Variants in HS3ST4 observed in about 807,000 individuals in gnomAD.
The protein encoded by HS3ST4 is heparan sulfate glucosamine 3-O-sulfotransferase 4.
In HS3ST4, 17 loss-of-function variants were observed where a neutral mutation model predicts 29.2. That is an observed-to-expected ratio of 0.58 (90% CI 0.40 to 0.87). HS3ST4 has a LOEUF of 0.87. HS3ST4 is among the 40% of genes least tolerant of loss of function. HS3ST4 has a pLI of 0.00. For missense variants in HS3ST4, 627 were observed against 634.5 expected (o/e 0.99, Z 0.13); for synonymous variants, 314 against 285.7 (o/e 1.10, Z -1.00).
rs1227867289 is a variant in HS3ST4 at position 25,692,620 on chromosome 16, C to T, written c.203C>T (p.Ser68Leu). ...CAATTCCCTCTGGCGCTGCAGGAGT[C>T]GCCGGGCGCCGCCGCCGAGCCCCCG... ...SLQFPLALQE[S>L]PGAAAEPPPS... Residue 68 changes from serine (S) to leucine (L), a missense_variant, in exon 1 of 2, where the codon TCG (serine) becomes TTG (leucine). Ser to Leu is a moderately radical substitution (Grantham distance 145). Coordinates refer to ENST00000331351, the MANE Select transcript of HS3ST4 (RefSeq NM_006040.3). The T allele has an allele frequency of 7.3e-7, 1 of 1,372,440 alleles. No homozygotes were observed. Among genetic ancestry groups the T allele is most frequent in the Non-Finnish European group, 9.5e-7 (1 of 1,052,896 alleles). 85.0% of individuals were successfully genotyped at this position (1,372,440 alleles called of 1,614,324 possible).
rs1202985966 is a variant in HS3ST4, at chr16:26,134,880, G to T, written c.735-732G>T. Among the ~76,000 whole-genome samples the T allele has an allele frequency of 3.9e-5, 6 of 152,176 alleles. No homozygotes were observed. The East Asian group carries it at 1.2e-3, about 29-fold the overall frequency. Reference sequence around the variant, plus strand: ...TCTGTCTTACCTCCTCAGCTCTGCTGTTTTACTGTAAAAGCAGCCTAGATG... The same window carrying T: ...TCTGTCTTACCTCCTCAGCTCTGCTTTTTTACTGTAAAAGCAGCCTAGATG... On this transcript the variant is annotated intron_variant, in intron 1 of 1. Transcript: ENST00000331351.
At chr16:25,886,630 T>C (rs1967956361) in intron 1 of HS3ST4, 1 of 152,212 alleles carries the variant, frequency 6.6e-6, no homozygotes, top group South Asian at 2.1e-4. Context: ...ACAAGTTCTT[T>C]AAGAGCTTCT....
At chr16:25,796,056 G>A (rs1215817136) in intron 1 of HS3ST4, among the ~76,000 whole-genome samples, 1 of 152,068 alleles carries the variant, frequency 6.6e-6, no homozygotes, top group African/African-American at 2.4e-5. Context: ...TCACTGACCT[G>A]TTCTTTCCTT....
chr16:26,080,814 C>T (rs1022984804), intron 1 of HS3ST4, among the ~76,000 whole-genome samples: 7 of 152,098 alleles, frequency 4.6e-5, no homozygotes, highest in Non-Finnish European at 5.9e-5. Context: ...TTACAGATGC[C>T]GGTTGTTGCT....
rs151056067 is a variant in HS3ST4 at position 25,842,714 on chromosome 16, G to A, written c.734+149563G>A. ...CCAATAGCTATTTTGAACTCAAGAG[G>A]CTTAGTACCCCTTTATAGGTATCTG... On this transcript the variant is annotated intron_variant, in intron 1 of 1. Transcript: ENST00000331351. 4.9e-4 allele frequency among the ~76,000 whole-genome samples: 75 copies of A among 152,248 alleles called. 1 individual carries two copies. Among genetic ancestry groups the A allele is most frequent in the African/African-American group, 1.7e-3 (69 of 41,548 alleles).
At chr16:25,852,410 G>T (rs1967530916) in intron 1 of HS3ST4, among the ~76,000 whole-genome samples, 1 of 151,980 alleles carries the variant, frequency 6.6e-6, no homozygotes, top group African/African-American at 2.4e-5. Context: ...CATCACCTAG[G>T]TATTAAGTCC....
chr16:25,983,816 TA>T (rs1316663057), intron 1 of HS3ST4, among the ~76,000 whole-genome samples: 3 of 152,208 alleles, frequency 2.0e-5, no homozygotes, highest in African/African-American at 7.2e-5. Context: ...ACACAGATAG[TA>T]ATTTCAGGGT....
At chr16:25,806,159 A>C (rs1966988743) in intron 1 of HS3ST4, among the ~76,000 whole-genome samples, 1 of 152,082 alleles carries the variant, frequency 6.6e-6, no homozygotes, top group South Asian at 2.1e-4. Context: ...TAGTGTGCCC[A>C]TGGTAATTTA....
chr16:25,947,548 AT>A (rs35020718), intron 1 of HS3ST4, among the ~76,000 whole-genome samples: 41,485 of 150,936 alleles, frequency 0.27, 6,276 homozygotes, highest in East Asian at 0.39. Context: ...GTCATGCTTT[AT>A]TTTTTTTTAA....
intron 1 of HS3ST4, among the ~76,000 whole-genome samples, chr16:25,941,219 G>A (rs926246933): frequency 1.3e-5 from 2 of 152,182 alleles, no homozygotes; most frequent in African/African-American, 4.8e-5. Flanking sequence ...AGGCTGGAAT[G>A]CAATGGTGTG....
chr16:25,940,446 G>T (rs1968561545), intron 1 of HS3ST4, among the ~76,000 whole-genome samples: 1 of 152,186 alleles, frequency 6.6e-6, no homozygotes, highest in Non-Finnish European at 1.5e-5. Context: ...TGCCCAAGAT[G>T]TCAAGGCAAA....
chr16:25,992,765 T>G (rs1040931261), intron 1 of HS3ST4, among the ~76,000 whole-genome samples: 3 of 152,192 alleles, frequency 2.0e-5, no homozygotes, highest in Non-Finnish European at 4.4e-5. Context: ...AATAGGGATA[T>G]AAGGCTTCAA....
chr16:25,824,405 A>T (rs527471090), intron 1 of HS3ST4, among the ~76,000 whole-genome samples: 5 of 152,346 alleles, frequency 3.3e-5, no homozygotes, highest in East Asian at 1.9e-4. Flanking sequence ...AAGAGGCTTA[A>T]TGGACTCACA....
At position 26,064,836 on chromosome 16, in the gene HS3ST4, C is replaced by T. The variant is rs577902806; in HGVS notation, c.735-70776C>T. 1.7e-3 allele frequency among the ~76,000 whole-genome samples: 262 copies of T among 152,098 alleles called. 1 individual carries two copies. The highest frequency in any genetic ancestry group is 9.8e-3 in the South Asian group (47 of 4,812). On this transcript the variant is annotated intron_variant, in intron 1 of 1. Coordinates refer to ENST00000331351, the MANE Select transcript of HS3ST4 (RefSeq NM_006040.3). ...TTCCCCATGTTGGTCAGGCTGGTCTCGAACTCCCAACCTCAGGTGATCCAC... is the reference window on the plus strand; with the variant it reads ...TTCCCCATGTTGGTCAGGCTGGTCTTGAACTCCCAACCTCAGGTGATCCAC...
chr16:25,712,891 A>C (rs1166171578), intron 1 of HS3ST4, among the ~76,000 whole-genome samples: 2 of 152,106 alleles, frequency 1.3e-5, no homozygotes. Context: ...TAGAGTTGGA[A>C]AGTTAGTTTC....
intron 1 of HS3ST4, among the ~76,000 whole-genome samples, chr16:25,713,897 A>G (rs1324146468): frequency 6.6e-6 from 1 of 152,118 alleles, no homozygotes; most frequent in Non-Finnish European, 1.5e-5. Flanking sequence ...TGTTGCTTGG[A>G]TGGCCTTGCT....
At chr16:26,087,114 T>C (rs1268011596) in intron 1 of HS3ST4, among the ~76,000 whole-genome samples, 1 of 152,232 alleles carries the variant, frequency 6.6e-6, no homozygotes, top group Non-Finnish European at 1.5e-5. Context: ...CTGTTTGTTA[T>C]TGTGACATCT....
At chr16:25,831,396 TACACACACACACACACACACACACACAC>T (rs58851793) in intron 1 of HS3ST4, among the ~76,000 whole-genome samples, 5 of 126,140 alleles carry the variant, frequency 4.0e-5, no homozygotes, top group Admixed American at 1.7e-4. Context: ...ACCCCGTCTC[TACACACACACACACACACACACACACAC>T]ACACACACAC....
rs559789324 is a variant in HS3ST4, at chr16:26,026,239, G to T, written c.735-109373G>T. Among the ~76,000 whole-genome samples the T allele has an allele frequency of 2.6e-5, 4 of 152,264 alleles. No individual in the cohort carries two copies. The East Asian group carries it at 7.7e-4, about 29-fold the overall frequency. ...ACATCGTTTTTGAGAAACCTCCCTA[G>T]TTTCTCCTTAGGGTGATAACCAGGA... is the stretch of plus-strand genomic sequence containing the variant. On this transcript the variant is annotated intron_variant, in intron 1 of 1. Coordinates refer to ENST00000331351, the MANE Select transcript of HS3ST4 (RefSeq NM_006040.3).
Sources: gnomAD v4.1 joint callset for allele counts (sites outside exome capture counted in the v4.1 genomes callset) on GRCh38, gnomAD v4.1.1 for gene constraint, MANE v1.5 for transcripts, NCBI Gene and HGNC (gene_info 2026-07-23, HGNC 2026-07-21) for gene names.